The following CNGA3 variants were observed in gnomAD, a reference collection of about 807,000 sequenced individuals.
The protein encoded by CNGA3 is cyclic nucleotide-gated channel alpha-3.
In CNGA3, 42 loss-of-function variants were observed where a neutral mutation model predicts 46.6. The ratio of observed to expected loss-of-function variants is 0.90; its 90% CI spans 0.70 to 1.17. The LOEUF (loss-of-function observed/expected upper bound fraction) is 1.17. Among genes scored for constraint, CNGA3 ranks in the 50% most tolerant of loss-of-function variants. The pLI, the probability that CNGA3 is intolerant of heterozygous loss-of-function variation, is 0.00. For synonymous variants in CNGA3, 394 were observed against 369.4 expected, an observed-to-expected ratio of 1.07 and a Z score of -0.76; for missense variants, 893 against 890.7, an observed-to-expected ratio of 1.00 and a Z score of -0.03.
rs781151011 is a variant in CNGA3 at position 98,398,469 on chromosome 2, CTTCTTCCTTCT to C, written c.*1224_*1234del. ...TTCTTCTTCCTTTCCTTTTTTCTTT[CTTCTTCCTTCT>C]TTCTTCCTTTTTCTCTCTCCTCTTT... On this transcript the variant is annotated 3_prime_UTR_variant, in exon 8 of 8. Coordinates refer to ENST00000272602, the MANE Select transcript of CNGA3 (RefSeq NM_001298.3). 1.7e-4 allele frequency: 26 copies of C among 151,174 alleles called. No individual in the cohort carries two copies. The highest frequency in any genetic ancestry group is 3.2e-4 in the Non-Finnish European group (22 of 67,794). 9.4% of individuals were successfully genotyped at this position (151,174 alleles called of 1,614,324 possible).
At position 98,391,959 on chromosome 2, in the gene CNGA3, G is replaced by A. The variant is rs141395850; in HGVS notation, c.662G>A (p.Arg221Gln). 6.3e-5 allele frequency: 102 copies of A among 1,613,908 alleles called. No homozygotes were observed. The highest frequency in any genetic ancestry group is 4.5e-4 in the South Asian group (41 of 91,082). ...CTGTATGTCTTGGATGTGCTTGTAC[G>A]AGCTCGGACAGGTGAGTGTGCCCCA... is the stretch of plus-strand genomic sequence containing the variant. The part of the protein sequence containing the change: ...DVLYVLDVLV[R>Q]ARTGFLEQGL... The change falls in exon 7 of 8, where the codon CGA (arginine) becomes CAA (glutamine). Residue 221 changes from arginine to glutamine, a missense_variant. By Grantham distance (43) the Arg-to-Gln change is conservative (BLOSUM62 1). Coordinates refer to ENST00000272602, the MANE Select transcript of CNGA3 (RefSeq NM_001298.3).
chr2:98,388,935 G>C (rs891750973), intron 5 of CNGA3, among the ~76,000 whole-genome samples: 1 of 152,250 alleles, frequency 6.6e-6, no homozygotes, highest in Non-Finnish European at 1.5e-5. Context: ...GGATGGCAGA[G>C]GGGACACATG....
intron 1 of CNGA3, among the ~76,000 whole-genome samples, chr2:98,363,348 T>C (rs1472589027): frequency 6.6e-6 from 1 of 152,246 alleles, no homozygotes; most frequent in African/African-American, 2.4e-5. Context: ...GTAGTTCTCC[T>C]TGATAAGGTC....
At chr2:98,354,373 G>C (rs1691833540) in intron 1 of CNGA3, among the ~76,000 whole-genome samples, 1 of 152,104 alleles carries the variant, frequency 6.6e-6, no homozygotes, top group Non-Finnish European at 1.5e-5. Flanking sequence ...ATGTTAGCAT[G>C]TGCTTCTTAG....
At chr2:98,359,022 T>C (rs72819935) in intron 1 of CNGA3, among the ~76,000 whole-genome samples, 80 of 152,146 alleles carry the variant, frequency 5.3e-4, no homozygotes, top group Non-Finnish European at 9.4e-4. Flanking sequence ...GGCAGGCAGT[T>C]TATTTGGGGA....
At chr2:98,347,136 C>G (rs905746943) in intron 1 of CNGA3, 1 of 152,394 alleles carries the variant, frequency 6.6e-6, no homozygotes. Flanking sequence ...GGACTGCCCC[C>G]CAACCCAGGG....
chr2:98,394,504 T>C (rs1225874463), intron 7 of CNGA3, among the ~76,000 whole-genome samples: 1 of 152,228 alleles, frequency 6.6e-6, no homozygotes, highest in Non-Finnish European at 1.5e-5. Context: ...TTCAAATGTA[T>C]GCAAAAGCAG....
chr2:98,355,240 TGAG>T (rs1262752878), intron 1 of CNGA3, among the ~76,000 whole-genome samples: 1 of 152,224 alleles, frequency 6.6e-6, no homozygotes, highest in Admixed American at 6.5e-5. Flanking sequence ...CATATTAATC[TGAG>T]TTTCGAAGTG....
At chr2:98,390,920 G>A (rs372531265) in intron 6 of CNGA3, among the ~76,000 whole-genome samples, 6 of 152,192 alleles carry the variant, frequency 3.9e-5, no homozygotes, top group South Asian at 2.1e-4. Context: ...GGATGCATGC[G>A]AGAGGAGACG....
intron 4 of CNGA3, 38 bp downstream of exon 4, chr2:98,380,392 G>T (rs959423826): frequency 3.8e-6 from 6 of 1,595,350 alleles, no homozygotes; most frequent in East Asian, 2.3e-5. Context: ...TCTGGTGCCT[G>T]CTGGGGCCAG....
At chr2:98,378,291 A>G (rs1446784744) in intron 3 of CNGA3, 3 of 1,412,216 alleles carry the variant, frequency 2.1e-6, no homozygotes, top group Non-Finnish European at 2.9e-6. Flanking sequence ...CCCCCTGATG[A>G]CATCCGTACT....
chr2:98,380,226 C>T lies in CNGA3; in HGVS notation c.267C>T (p.His89=), dbSNP rs367951775. Residue 89 remains histidine (H), a synonymous_variant, in exon 4 of 8, where the codon CAC becomes CAT. Coordinates refer to ENST00000272602, the MANE Select transcript of CNGA3 (RefSeq NM_001298.3). Reference sequence around the variant, plus strand: ...GCAGGTGGGCTGCCAGGCATGTGCACCACCAGGACCAGGGACCGGACTCTT... The same window carrying T: ...GCAGGTGGGCTGCCAGGCATGTGCATCACCAGGACCAGGGACCGGACTCTT... The part of the protein sequence containing the change: ...LLRRWAARHV[H]HQDQGPDSFP... The T allele has an allele frequency of 6.8e-6, 11 of 1,614,102 alleles. No homozygotes were observed. In the Admixed American group the frequency reaches 8.3e-5, roughly 12 times the overall value.
intron 2 of CNGA3, among the ~76,000 whole-genome samples, chr2:98,375,291 C>T (rs894053330): frequency 2.6e-5 from 4 of 152,246 alleles, no homozygotes; most frequent in African/African-American, 7.2e-5. Flanking sequence ...GCTGGGCCGA[C>T]TGCTTGGTGC....
intron 1 of CNGA3, among the ~76,000 whole-genome samples, chr2:98,357,916 C>G (rs200083067): frequency 1.3e-5 from 2 of 151,822 alleles, no homozygotes; most frequent in Non-Finnish European, 3.0e-5. Flanking sequence ...ATAAACAGAA[C>G]AAGCCATAAT....
At chr2:98,386,375 A>T (rs1055591601) in intron 5 of CNGA3, among the ~76,000 whole-genome samples, 2 of 152,150 alleles carry the variant, frequency 1.3e-5, no homozygotes, top group Admixed American at 1.3e-4. Context: ...ATCTGGTGGG[A>T]GGTAATTGAA....
At chr2:98,365,418 G>T (rs62156317) in intron 1 of CNGA3, among the ~76,000 whole-genome samples, 29,084 of 152,002 alleles carry the variant, frequency 0.19, 3,155 homozygotes, top group Non-Finnish European at 0.26. Context: ...CCTTATTGGA[G>T]TTCTCTGGAT....
intron 2 of CNGA3, among the ~76,000 whole-genome samples, chr2:98,374,106 T>G (rs945273791): frequency 9.9e-5 from 15 of 152,218 alleles, no homozygotes; most frequent in African/African-American, 3.6e-4. Context: ...TTTACTCTCA[T>G]GTCCCCAAAA....
At chr2:98,374,418 A>C (rs1692359297) in intron 2 of CNGA3, among the ~76,000 whole-genome samples, 1 of 152,166 alleles carries the variant, frequency 6.6e-6, no homozygotes, top group Admixed American at 6.5e-5. Context: ...CACACGTGGG[A>C]GGGAAGCTCC....
chr2:98,354,942 G>C (rs1052616724), intron 1 of CNGA3, among the ~76,000 whole-genome samples: 2 of 152,080 alleles, frequency 1.3e-5, no homozygotes, highest in African/African-American at 4.8e-5. Context: ...TGTTAACTGT[G>C]GTTGTGTCAT....
Sources: gnomAD v4.1 joint callset for allele counts (sites outside exome capture counted in the v4.1 genomes callset) on GRCh38, gnomAD v4.1.1 for gene constraint, MANE v1.5 for transcripts, NCBI Gene and HGNC (gene_info 2026-07-23, HGNC 2026-07-21) for gene names.